Variants in COL4A4 observed in about 807,000 individuals in gnomAD.
COL4A4 encodes the protein collagen alpha-4(IV) chain.
Under a neutral mutation model 192.9 loss-of-function variants are expected in COL4A4, and 105 were observed. That is an observed-to-expected ratio of 0.54 (90% CI 0.46 to 0.64). The LOEUF (loss-of-function observed/expected upper bound fraction) is 0.64. Among genes scored for constraint, COL4A4 ranks in the 30% least tolerant of loss-of-function variants. The pLI is 0.00. For missense variants in COL4A4, 1,967 were observed against 2,169.3 expected (o/e 0.91, Z 1.85); for synonymous variants, 762 against 769.9 (o/e 0.99, Z 0.17).
chr2:226,977,376 G>A, the COL4A4 span, among the ~76,000 whole-genome samples: 8 of 152,098 alleles, frequency 5.3e-5, no homozygotes, highest in Non-Finnish European at 1.2e-4. Flanking sequence ...CGAAATAGCC[G>A]GCTGGAATTC....
At chr2:227,078,424 G>A (rs2059148997) in intron 24 of COL4A4, among the ~76,000 whole-genome samples, 1 of 152,028 alleles carries the variant, frequency 6.6e-6, no homozygotes. Context: ...TGTATTTTTA[G>A]TAGAGACTGA....
the COL4A4 span, among the ~76,000 whole-genome samples, chr2:226,995,059 G>A: frequency 3.3e-5 from 5 of 151,980 alleles, no homozygotes; most frequent in Admixed American, 2.6e-4. Context: ...CTAGTTGGTG[G>A]GGAAGTTAGT....
Position 227,108,591 on chromosome 2 carries a change from A to C in COL4A4, c.725T>G (p.Met242Arg). The C allele has an allele frequency of 6.2e-7, 1 of 1,614,058 alleles. No individual in the cohort carries two copies. The highest frequency in any genetic ancestry group is 8.5e-7 in the Non-Finnish European group (1 of 1,179,896). ...GNPGVGVKGQ[M>R]GDPGEVGQQG... is the part of the protein sequence containing the mutation. ...AGAGGGAATTCTTACCGGGTCTCCC[A>C]TTTGCCCCTTTACTCCCACACCGGG... Residue 242 changes from methionine (M) to arginine (R), a missense_variant, in exon 12 of 48, where the codon ATG becomes AGG. By Grantham distance (91) the Met-to-Arg change is moderately conservative. Coordinates refer to ENST00000396625, the MANE Select transcript of COL4A4 (RefSeq NM_000092.5).
chr2:227,115,381 C>T (rs2061438193), intron 7 of COL4A4, among the ~76,000 whole-genome samples: 1 of 151,372 alleles, frequency 6.6e-6, no homozygotes, highest in African/African-American at 2.4e-5. Context: ...TGCCATTCTC[C>T]TGCCTCAGCC....
In COL4A4 at chr2:227,003,888, A is replaced by G. The variant is rs1374823638; in HGVS notation, c.*3437T>C. On this transcript the variant is annotated 3_prime_UTR_variant, in exon 48 of 48. Coordinates refer to ENST00000396625, the MANE Select transcript of COL4A4 (RefSeq NM_000092.5). The stretch of plus-strand genomic sequence containing the variant: ...ATAAGCCCATTTTGAAAGCTTATCA[A>G]TTGGCTTTCTGGCAATAATTGTAAC... 4.6e-5 allele frequency: 7 copies of G among 152,248 alleles called. No individual in the cohort carries two copies. Among genetic ancestry groups the G allele is most frequent in the Non-Finnish European group, 1.0e-4 (7 of 68,046 alleles). 9.4% of individuals were successfully genotyped at this position (152,248 alleles called of 1,614,324 possible).
In COL4A4 at chr2:227,005,514, G is replaced by A. The variant is rs182288854; in HGVS notation, c.*1811C>T. The A allele has an allele frequency of 1.3e-5, 2 of 152,052 alleles. No individual in the cohort carries two copies. The highest frequency in any genetic ancestry group is 4.8e-5 in the African/African-American group (2 of 41,474). 9.4% of individuals were successfully genotyped at this position (152,052 alleles called of 1,614,324 possible). A position where few individuals can be genotyped will look rare whatever the true frequency, so the allele number is the denominator to read the frequency against. On this transcript the variant is annotated 3_prime_UTR_variant, in exon 48 of 48. Transcript: ENST00000396625. ...AGCATGGTTTAAAAAATATCAAATG[G>A]GTCAAATGAACTAGGAAATATTCTG...
chr2:227,127,158 T>C (rs1390665099), intron 4 of COL4A4, among the ~76,000 whole-genome samples: 3 of 152,262 alleles, frequency 2.0e-5, no homozygotes, highest in Non-Finnish European at 2.9e-5. Context: ...GGCTTTCAGA[T>C]GCACAGCACC....
intron 31 of COL4A4, 34 bp from the exon 32 acceptor site, chr2:227,052,446 C>G (rs1455044056): frequency 5.0e-6 from 6 of 1,194,308 alleles, no homozygotes; most frequent in African/African-American, 1.5e-5. Flanking sequence ...ACAAAATGAA[C>G]AGGAACATCA....
At chr2:227,153,189 T>C (rs1257251857) in intron 1 of COL4A4, among the ~76,000 whole-genome samples, 1 of 152,180 alleles carries the variant, frequency 6.6e-6, no homozygotes, top group Non-Finnish European at 1.5e-5. Context: ...TATCTCCCAC[T>C]GGGTCCCTCT....
chr2:226,973,728 A>C, the COL4A4 span, among the ~76,000 whole-genome samples: 1 of 152,184 alleles, frequency 6.6e-6, no homozygotes, highest in Non-Finnish European at 1.5e-5. Flanking sequence ...TTATTGTCTG[A>C]GCAAGTGAAA....
intron 25 of COL4A4, among the ~76,000 whole-genome samples, chr2:227,068,073 G>A (rs1301206968): frequency 1.4e-5 from 2 of 146,066 alleles, no homozygotes; most frequent in Non-Finnish European, 3.0e-5. Flanking sequence ...ACTACCATCA[G>A]AGAATACTAC....
At chr2:227,058,848 T>C (rs12621916) in intron 28 of COL4A4, among the ~76,000 whole-genome samples, 98,443 of 151,988 alleles carry the variant, frequency 0.65, 32,483 homozygotes, top group African/African-American at 0.77. Context: ...TGAAGGATCC[T>C]TACTGATTTC....
rs1964288521 is a variant in COL4A4, at chr2:227,013,668, T to A, written c.4217-1371A>T. On this transcript the variant is annotated intron_variant, in intron 44 of 47. Transcript: ENST00000396625. ...GCATCCCGAACTGTGAAAAATTGTC[T>A]GTTGTTTAAGCCACTGTGTCAGTGA... is the stretch of plus-strand genomic sequence containing the variant. Among the ~76,000 whole-genome samples, 3 of 152,366 alleles carry A rather than the reference T, an allele frequency of 2.0e-5. No homozygotes were observed. In the South Asian group the frequency reaches 6.2e-4, roughly 32 times the overall value.
chr2:227,036,136 G>A (rs1195552368), intron 37 of COL4A4, among the ~76,000 whole-genome samples: 2 of 152,102 alleles, frequency 1.3e-5, no homozygotes, highest in Non-Finnish European at 2.9e-5. Flanking sequence ...TCACCTCTCT[G>A]GTCATCCTCC....
chr2:226,999,081 T>C (rs963224895), downstream of COL4A4: 1 of 152,248 alleles, frequency 6.6e-6, no homozygotes, highest in Non-Finnish European at 1.5e-5. Flanking sequence ...TGAGAGAATG[T>C]CTTTGTCTTT....
chr2:227,040,888 A>G lies in COL4A4; in HGVS notation c.3505+1260T>C, dbSNP rs996431735. On this transcript the variant is annotated intron_variant, in intron 37 of 47. Coordinates refer to ENST00000396625, the MANE Select transcript of COL4A4 (RefSeq NM_000092.5). The stretch of plus-strand genomic sequence containing the variant: ...AAGTACTTTTTCTAAAGTGGAAGAA[A>G]TGGACTGAAGAGGGGTTGATACCAT... Among the ~76,000 whole-genome samples the G allele has an allele frequency of 5.9e-5, 9 of 152,144 alleles. No individual in the cohort carries two copies. In the East Asian group the frequency reaches 1.7e-3, roughly 29 times the overall value.
chr2:227,160,868 G>A (rs1402281766), intron 1 of COL4A4, among the ~76,000 whole-genome samples: 2 of 152,314 alleles, frequency 1.3e-5, no homozygotes, highest in Non-Finnish European at 2.9e-5. Context: ...AATGATATGA[G>A]TTGGTAATCA....
chr2:227,034,341 A>G (rs956180352), intron 37 of COL4A4, among the ~76,000 whole-genome samples: 2 of 152,084 alleles, frequency 1.3e-5, no homozygotes, highest in Non-Finnish European at 2.9e-5. Flanking sequence ...GCCCTTGGTA[A>G]AGTTGGAGGA....
chr2:227,090,476 C>T (rs1013626100), intron 20 of COL4A4, among the ~76,000 whole-genome samples: 4 of 152,258 alleles, frequency 2.6e-5, no homozygotes, highest in South Asian at 2.1e-4. Flanking sequence ...TGGCCTGGTG[C>T]GATGGCTCAC....
Sources: gnomAD v4.1 joint callset for allele counts (sites outside exome capture counted in the v4.1 genomes callset) on GRCh38, gnomAD v4.1.1 for gene constraint, MANE v1.5 for transcripts, NCBI Gene and HGNC (gene_info 2026-07-23, HGNC 2026-07-21) for gene names.